The following PEX5L variants were observed in gnomAD, a reference collection of about 807,000 sequenced individuals.
PEX5L encodes the protein peroxisomal biogenesis factor 5 like, also known as PEX5-related protein.
Under a neutral mutation model 84.0 loss-of-function variants are expected in PEX5L, and 30 were observed. That is an observed-to-expected ratio of 0.36 (90% CI 0.27 to 0.48). The LOEUF is 0.48. PEX5L is among the 20% of genes least tolerant of loss of function. PEX5L has a pLI of 0.99. For synonymous variants in PEX5L, 270 were observed against 283.1 expected, an observed-to-expected ratio of 0.95 and a Z score of 0.46; for missense variants, 533 against 754.6, an observed-to-expected ratio of 0.71 and a Z score of 3.44.
chr3:179,938,234 T>A (rs921261696), intron 2 of PEX5L, among the ~76,000 whole-genome samples: 1 of 152,232 alleles, frequency 6.6e-6, no homozygotes, highest in Non-Finnish European at 1.5e-5. Flanking sequence ...AAGAAATTCT[T>A]CCTTTCATCT....
chr3:179,874,205 A>T, intron 7 of PEX5L, 122 bp downstream of exon 7: 1 of 540,312 alleles, frequency 1.9e-6, no homozygotes, highest in South Asian at 2.4e-5. Context: ...TGAATGAAAC[A>T]GCACATGAAA....
intron 7 of PEX5L, among the ~76,000 whole-genome samples, chr3:179,866,079 A>G (rs186535037): frequency 9.2e-5 from 14 of 152,282 alleles, no homozygotes; most frequent in Admixed American, 6.5e-4. Flanking sequence ...CCAAAGAAGA[A>G]AGCATTAAGT....
chr3:179,884,746 C>T (rs916094436), intron 4 of PEX5L, among the ~76,000 whole-genome samples: 7 of 152,106 alleles, frequency 4.6e-5, no homozygotes, highest in Non-Finnish European at 8.8e-5. Context: ...GGCTTTGATT[C>T]ATTTGTTTGT....
chr3:180,018,933 G>C (rs1394275283), intron 1 of PEX5L, among the ~76,000 whole-genome samples: 3 of 151,988 alleles, frequency 2.0e-5, no homozygotes, highest in African/African-American at 7.3e-5. Flanking sequence ...TAGAGTTTTC[G>C]GGCCACTCTA....
At chr3:179,874,879 C>T (rs1338906531) in intron 6 of PEX5L, among the ~76,000 whole-genome samples, 2 of 150,918 alleles carry the variant, frequency 1.3e-5, no homozygotes, top group African/African-American at 4.9e-5. Context: ...AAGCCAGACA[C>T]TGCCCTTTAG....
chr3:179,978,863 CA>C (rs1786050212), intron 1 of PEX5L, among the ~76,000 whole-genome samples: 2 of 152,152 alleles, frequency 1.3e-5, no homozygotes, highest in African/African-American at 4.8e-5. Flanking sequence ...AGCTAGTGAG[CA>C]AACAACTCAG....
At chr3:179,960,463 CAGTGGGAAACATT>C (rs1781731024) in intron 2 of PEX5L, among the ~76,000 whole-genome samples, 1 of 152,124 alleles carries the variant, frequency 6.6e-6, no homozygotes, top group Non-Finnish European at 1.5e-5. Flanking sequence ...ATTTGGGAGA[CAGTGGGAAACATT>C]AGTTCTCACT....
chr3:179,883,034 C>T (rs550788267), intron 4 of PEX5L, among the ~76,000 whole-genome samples: 1 of 152,198 alleles, frequency 6.6e-6, no homozygotes, highest in African/African-American at 2.4e-5. Context: ...GAAGTTTGAG[C>T]CAGCCTGGGT....
At chr3:180,030,865 A>G (rs935301867) in intron 1 of PEX5L, among the ~76,000 whole-genome samples, 1 of 151,642 alleles carries the variant, frequency 6.6e-6, no homozygotes, top group Non-Finnish European at 1.5e-5. Flanking sequence ...TGAAATTCTA[A>G]CTATTTCACT....
At chr3:179,804,635 C>T (rs1664837885) in intron 14 of PEX5L, among the ~76,000 whole-genome samples, 1 of 152,164 alleles carries the variant, frequency 6.6e-6, no homozygotes. Flanking sequence ...TGACAAGCAG[C>T]AAATGTTACA....
rs541332063 is a variant in PEX5L at position 179,948,971 on chromosome 3, G to A, written c.93+22623C>T. On this transcript the variant is annotated intron_variant, in intron 2 of 14. Transcript: ENST00000467460. ...GACTTTAATAATATTTAGTTAATAT[G>A]ACATTATACCAACAGTGAGCAGATC... is the stretch of plus-strand genomic sequence containing the variant. Among the ~76,000 whole-genome samples, 8 of 152,244 alleles carry A rather than the reference G, an allele frequency of 5.3e-5. No homozygotes were observed. In the East Asian group the frequency reaches 1.5e-3, roughly 29 times the overall value.
chr3:179,955,373 T>C (rs1780227252), intron 2 of PEX5L, among the ~76,000 whole-genome samples: 1 of 152,138 alleles, frequency 6.6e-6, no homozygotes, highest in African/African-American at 2.4e-5. Context: ...AAGTTCTCGT[T>C]TTCTTTGGCA....
At chr3:180,024,119 G>A (rs1237109422) in intron 1 of PEX5L, among the ~76,000 whole-genome samples, 2 of 151,920 alleles carry the variant, frequency 1.3e-5, no homozygotes, top group African/African-American at 4.8e-5. Context: ...GGTAGTACAT[G>A]TCACTGGCAC....
At chr3:179,871,396 C>A (rs1750338589) in intron 7 of PEX5L, among the ~76,000 whole-genome samples, 1 of 152,174 alleles carries the variant, frequency 6.6e-6, no homozygotes, top group Non-Finnish European at 1.5e-5. Flanking sequence ...AGCCACCACA[C>A]CTGGCCCCAT....
Position 179,816,644 on chromosome 3 carries a change from G to T in PEX5L, c.940-640C>A, listed in dbSNP as rs148313989. Among the ~76,000 whole-genome samples, 25 of 152,106 alleles carry T rather than the reference G, an allele frequency of 1.6e-4. 2 individuals carry two copies. In the East Asian group the frequency reaches 4.8e-3, roughly 29 times the overall value. On this transcript the variant is annotated intron_variant, in intron 9 of 14. Transcript: ENST00000467460. Reference sequence around the variant, plus strand: ...GGAGAAATACTTAATGTAGATGATGGGTTGATGGCTGCAGCAAACCACCAT... The same window carrying T: ...GGAGAAATACTTAATGTAGATGATGTGTTGATGGCTGCAGCAAACCACCAT...
At chr3:179,884,097 T>C (rs897816358) in intron 4 of PEX5L, among the ~76,000 whole-genome samples, 5 of 152,204 alleles carry the variant, frequency 3.3e-5, no homozygotes, top group Middle Eastern at 3.2e-3. Flanking sequence ...ATTTTACATA[T>C]GAGAAACTTG....
intron 1 of PEX5L, among the ~76,000 whole-genome samples, chr3:180,036,377 T>C (rs931726594): frequency 6.6e-6 from 1 of 152,184 alleles, no homozygotes; most frequent in Non-Finnish European, 1.5e-5. Context: ...ATCGAAGTTC[T>C]GAGGTCTTCC....
intron 1 of PEX5L, among the ~76,000 whole-genome samples, chr3:180,034,574 G>A (rs75071007): frequency 0.019 from 2,814 of 152,074 alleles, 47 homozygotes; most frequent in Middle Eastern, 0.027. Context: ...TTTTGTTGGG[G>A]GGAGCAGATG....
intron 3 of PEX5L, 107 bp from the exon 4 acceptor site, chr3:179,887,891 T>A: frequency 1.3e-6 from 1 of 768,462 alleles, no homozygotes; most frequent in Admixed American, 2.3e-5. Flanking sequence ...CTACCAAAAA[T>A]AAATAAATAC....
Sources: allele counts gnomAD v4.1 joint callset (sites outside exome capture counted in the v4.1 genomes callset), GRCh38; gene constraint gnomAD v4.1.1; transcripts MANE v1.5; gene names NCBI Gene and HGNC (gene_info 2026-07-23, HGNC 2026-07-21).